Variants in TNRC6B observed in about 807,000 individuals in gnomAD.
TNRC6B encodes the protein trinucleotide repeat containing adaptor 6B, also known as trinucleotide repeat-containing gene 6B protein.
In TNRC6B, 52 loss-of-function variants were observed where a neutral mutation model predicts 203.6. The ratio of observed to expected loss-of-function variants is 0.26; its 90% CI spans 0.20 to 0.32. The LOEUF (loss-of-function observed/expected upper bound fraction) is 0.32, where lower values mean the gene tolerates loss of function less well. Ranked by LOEUF, TNRC6B falls within the 10% of genes least tolerant of loss-of-function variation. TNRC6B has a pLI of 1.00. For missense variants in TNRC6B, 1,923 were observed against 2,286.2 expected (o/e 0.84, Z 3.24); for synonymous variants, 838 against 845.7 (o/e 0.99, Z 0.16).
intron 1 of TNRC6B, among the ~76,000 whole-genome samples, chr22:40,230,815 T>C (rs2069859953): frequency 6.6e-6 from 1 of 152,150 alleles, no homozygotes; most frequent in Non-Finnish European, 1.5e-5. Flanking sequence ...ATAATTTTTC[T>C]AACATAGGGT....
upstream of TNRC6B, among the ~76,000 whole-genome samples, chr22:40,173,794 T>TATATATATATATATATATAA (rs201025367): frequency 4.8e-4 from 15 of 31,446 alleles, no homozygotes; most frequent in Middle Eastern, 0.015. Flanking sequence ...TATATATATA[T>TATATATATATATATATATAA]TTTTTTTTTT....
At chr22:40,224,464 T>G (rs531891507) in intron 1 of TNRC6B, among the ~76,000 whole-genome samples, 51 of 152,330 alleles carry the variant, frequency 3.3e-4, no homozygotes, top group African/African-American at 1.2e-3. Context: ...GTAGGAGTTC[T>G]TTATGTATTA....
At position 40,236,068 on chromosome 22, in the gene TNRC6B, T is replaced by C. The variant is rs183091721; in HGVS notation, c.6-9947T>C. ...ACAATGGTAACTTCTTGCAGAACTA[T>C]AGTACAATGTCGCAACCCAGATTTT... On this transcript the variant is annotated intron_variant, in intron 1 of 22. Transcript: ENST00000454349. Among the ~76,000 whole-genome samples, 99 of 152,326 alleles carry C rather than the reference T, an allele frequency of 6.5e-4. 1 individual carries two copies. Among genetic ancestry groups the C allele is most frequent in the South Asian group, 1.7e-3 (8 of 4,820 alleles).
chr22:40,147,108 T>A (rs2068702179), intron 3 of TNRC6B, among the ~76,000 whole-genome samples: 1 of 152,208 alleles, frequency 6.6e-6, no homozygotes, highest in Admixed American at 6.5e-5. Flanking sequence ...GGAATATTAT[T>A]TAGCCTTACA....
intron 3 of TNRC6B, among the ~76,000 whole-genome samples, chr22:40,140,571 A>G (rs931061587): frequency 2.6e-5 from 4 of 152,220 alleles, no homozygotes; most frequent in Admixed American, 2.0e-4. Flanking sequence ...ACAGATTTCT[A>G]AGAAAGATAT....
intron 1 of TNRC6B, among the ~76,000 whole-genome samples, chr22:40,109,116 T>C (rs1018609251): frequency 6.6e-5 from 10 of 152,224 alleles, no homozygotes; most frequent in Non-Finnish European, 1.5e-5. Context: ...CATGATCTCA[T>C]TCCTCTTTAT....
chr22:40,267,380 T>C (rs952061968), intron 5 of TNRC6B, among the ~76,000 whole-genome samples: 4 of 152,228 alleles, frequency 2.6e-5, no homozygotes, highest in Admixed American at 1.3e-4. Flanking sequence ...GTAGCAGAAA[T>C]AGACCTGATT....
At chr22:40,289,960 A>G (rs1189185175) in intron 12 of TNRC6B, among the ~76,000 whole-genome samples, 1 of 152,238 alleles carries the variant, frequency 6.6e-6, no homozygotes, top group Non-Finnish European at 1.5e-5. Context: ...TGTTCATTGC[A>G]TCAGTAAGAC....
chr22:40,210,149 C>G (rs771390644), intron 1 of TNRC6B, among the ~76,000 whole-genome samples: 13 of 152,194 alleles, frequency 8.5e-5, no homozygotes, highest in African/African-American at 1.4e-4. Flanking sequence ...GTGCCTTCCC[C>G]CCAACCCCCA....
chr22:40,243,148 C>T (rs1287700899), intron 1 of TNRC6B, among the ~76,000 whole-genome samples: 1 of 152,032 alleles, frequency 6.6e-6, no homozygotes, highest in Non-Finnish European at 1.5e-5. Flanking sequence ...GGATTACAGG[C>T]GTGAGCCACC....
chr22:40,049,960 A>G (rs886537108), intron 1 of TNRC6B, among the ~76,000 whole-genome samples: 3 of 152,182 alleles, frequency 2.0e-5, no homozygotes, highest in Admixed American at 1.3e-4. Flanking sequence ...AATGCCTCCC[A>G]TTAGTATTAG....
chr22:40,205,775 T>C (rs1726114808), intron 1 of TNRC6B, among the ~76,000 whole-genome samples: 2 of 152,192 alleles, frequency 1.3e-5, no homozygotes, highest in Non-Finnish European at 2.9e-5. Flanking sequence ...AGAACAGTAG[T>C]TTTGAATCCA....
At chr22:40,274,868 G>A (rs1397196735) in intron 7 of TNRC6B, among the ~76,000 whole-genome samples, 2 of 152,144 alleles carry the variant, frequency 1.3e-5, no homozygotes, top group Non-Finnish European at 2.9e-5. Flanking sequence ...TGTCTTCGCA[G>A]ACCCTCTCTT....
intron 15 of TNRC6B, among the ~76,000 whole-genome samples, chr22:40,307,789 C>T (rs1288157172): frequency 6.6e-6 from 1 of 152,216 alleles, no homozygotes; most frequent in Non-Finnish European, 1.5e-5. Flanking sequence ...CCACCCCACA[C>T]TCAGGCTGCC....
At chr22:40,224,134 A>C (rs1852129688) in intron 1 of TNRC6B, among the ~76,000 whole-genome samples, 1 of 151,982 alleles carries the variant, frequency 6.6e-6, no homozygotes, top group Non-Finnish European at 1.5e-5. Flanking sequence ...AGCCTCTCGT[A>C]GCTGGGACTA....
chr22:40,295,181 C>T (rs1043109697), intron 12 of TNRC6B, among the ~76,000 whole-genome samples: 13 of 151,892 alleles, frequency 8.6e-5, no homozygotes, highest in Non-Finnish European at 1.3e-4. Context: ...AGAAGAGTGT[C>T]AAAGAAAAGA....
At chr22:40,150,200 A>G (rs1287612523) in intron 3 of TNRC6B, among the ~76,000 whole-genome samples, 8 of 151,978 alleles carry the variant, frequency 5.3e-5, no homozygotes, top group Admixed American at 5.2e-4. Context: ...ACACGGTGAA[A>G]CCCCGTCTCT....
chr22:40,229,101 A>G (rs539155484), intron 1 of TNRC6B, among the ~76,000 whole-genome samples: 1 of 152,372 alleles, frequency 6.6e-6, no homozygotes, highest in African/African-American at 2.4e-5. Context: ...CACATAATAT[A>G]GGTATTACTG....
At chr22:40,100,220 G>T (rs987830585) in intron 1 of TNRC6B, among the ~76,000 whole-genome samples, 5 of 151,888 alleles carry the variant, frequency 3.3e-5, no homozygotes, top group African/African-American at 4.8e-5. Context: ...CTGAGTAGCT[G>T]TGATTACAGG....
Sources: gnomAD v4.1 joint callset for allele counts (sites outside exome capture counted in the v4.1 genomes callset) on GRCh38, gnomAD v4.1.1 for gene constraint, MANE v1.5 for transcripts, NCBI Gene and HGNC (gene_info 2026-07-23, HGNC 2026-07-21) for gene names.